The following AK2 variants were observed in gnomAD, a reference collection of about 807,000 sequenced individuals.
AK2 encodes the protein adenylate kinase 2, mitochondrial.
Under a neutral mutation model 24.6 loss-of-function variants are expected in AK2, and 15 were observed. The observed-to-expected ratio is 0.61, with a 90% CI of 0.41 to 0.94. AK2 has a LOEUF of 0.94. AK2 is among the 40% of genes least tolerant of loss of function. The pLI is 0.00. For missense variants in AK2, 257 were observed against 304.1 expected, an observed-to-expected ratio of 0.85 and a Z score of 1.15; for synonymous variants, 102 against 114.0, an observed-to-expected ratio of 0.90 and a Z score of 0.67.
chr1:33,022,306 G>A (rs1034797916), intron 2 of AK2, among the ~76,000 whole-genome samples: 6 of 150,978 alleles, frequency 4.0e-5, no homozygotes, highest in South Asian at 4.2e-4. Context: ...GCAAGATTGG[G>A]TCAGAACCAA....
rs934254172 is a variant in AK2, at chr1:33,011,960, G to C, written c.*1221C>G. On this transcript the variant is annotated 3_prime_UTR_variant, in exon 6 of 6. Transcript: ENST00000672715. ...TGATTTCAGTTTTATGTCCTGGAGA[G>C]AGACTGGGTTTGAATAAATACTGAT... 1.7e-5 allele frequency: 26 copies of C among 1,534,396 alleles called. No individual in the cohort carries two copies. The highest frequency in any genetic ancestry group is 2.3e-5 in the Non-Finnish European group (26 of 1,146,476).
chr1:33,017,840 G>A (rs1302318168), intron 4 of AK2, among the ~76,000 whole-genome samples: 3 of 152,004 alleles, frequency 2.0e-5, no homozygotes, highest in African/African-American at 7.2e-5. Context: ...GTGCAGCCTC[G>A]ACCTCCCTAG....
chr1:33,021,795 T>C, intron 2 of AK2, 92 bp from the exon 3 acceptor site: 1 of 964,640 alleles, frequency 1.0e-6, no homozygotes, highest in Non-Finnish European at 1.7e-6. Context: ...TTTGTGTATA[T>C]AACCTTATTA....
chr1:33,016,509 T>A (rs1221719355), intron 4 of AK2, among the ~76,000 whole-genome samples: 1 of 151,424 alleles, frequency 6.6e-6, no homozygotes, highest in African/African-American at 2.4e-5. Context: ...CTGCGCCTGG[T>A]CTATTTATTT....
rs141593874 is a variant in AK2 at position 33,024,955 on chromosome 1, G to A, written c.94-388C>T. 7.2e-3 allele frequency among the ~76,000 whole-genome samples: 1,099 copies of A among 152,276 alleles called. 8 individuals carry two copies. The highest frequency in any genetic ancestry group is 0.017 in the Middle Eastern group (5 of 294). On this transcript the variant is annotated intron_variant, in intron 1 of 5. Coordinates refer to ENST00000672715, the MANE Select transcript of AK2 (RefSeq NM_001625.4). ...TAACCCCAGCACTTTGGGAGGCTGA[G>A]GTGGGCGGATCACGAGGTCAGAAGT...
At chr1:33,029,825 C>A (rs1480395474) in intron 1 of AK2, among the ~76,000 whole-genome samples, 3 of 152,216 alleles carry the variant, frequency 2.0e-5, no homozygotes, top group Non-Finnish European at 4.4e-5. Flanking sequence ...ACTATGGGCG[C>A]ATATCACTGT....
At chr1:33,020,041 T>C (rs987533063) in intron 4 of AK2, 5 of 1,532,264 alleles carry the variant, frequency 3.3e-6, no homozygotes, top group African/African-American at 1.4e-5. Flanking sequence ...GTCATACTTC[T>C]GGAAGGCACA....
chr1:33,035,484 C>T (rs1239312685), intron 1 of AK2, among the ~76,000 whole-genome samples: 1 of 152,172 alleles, frequency 6.6e-6, no homozygotes, highest in Non-Finnish European at 1.5e-5. Flanking sequence ...GAAAAGCGGG[C>T]ACAGGGCAGT....
In AK2 at chr1:33,013,188, A is replaced by T. The variant is rs1638942570; in HGVS notation, c.713T>A (p.Phe238Tyr). ...SKATCKDLVMFI is the reference protein window; with the variant it reads ...SKATCKDLVMYI ...TCCTTCTTGGACCCAACATTAGATAAACATAACCAAGTCTTTACATGTGGC... is the reference window on the plus strand; with the variant it reads ...TCCTTCTTGGACCCAACATTAGATATACATAACCAAGTCTTTACATGTGGC... Residue 238 changes from phenylalanine (F) to tyrosine (Y), a missense_variant, in exon 6 of 6, where the codon TTT becomes TAT. Transcript: ENST00000672715. The T allele has an allele frequency of 6.2e-7, 1 of 1,614,008 alleles. No homozygotes were observed. Among genetic ancestry groups the T allele is most frequent in the African/African-American group, 1.3e-5 (1 of 74,918 alleles).
chr1:33,028,058 C>G (rs979240365), intron 1 of AK2, among the ~76,000 whole-genome samples: 1 of 152,176 alleles, frequency 6.6e-6, no homozygotes, highest in Admixed American at 6.5e-5. Flanking sequence ...AAATAAAAGG[C>G]TTCCTTCCAT....
chr1:33,015,261 G>A (rs763772692), intron 4 of AK2, among the ~76,000 whole-genome samples: 32 of 152,138 alleles, frequency 2.1e-4, no homozygotes, highest in Non-Finnish European at 3.5e-4. Flanking sequence ...TCAAGTAATC[G>A]GGAAAAATGA....
intron 1 of AK2, among the ~76,000 whole-genome samples, chr1:33,025,548 C>G (rs991287534): frequency 2.0e-5 from 3 of 152,200 alleles, no homozygotes; most frequent in African/African-American, 7.2e-5. Context: ...GAGATATATA[C>G]AAAGAGCACT....
Position 33,012,854 on chromosome 1 carries a change from C to T in AK2, c.*327G>A, listed in dbSNP as rs754724243. ...CAGAGGTTGCCGTGAGCCAAGATCA[C>T]GCCACTGCACTCCAGCCAGGGTGGC... On this transcript the variant is annotated 3_prime_UTR_variant, in exon 6 of 6. Transcript: ENST00000672715. The T allele has an allele frequency of 1.7e-5, 22 of 1,297,420 alleles. No individual in the cohort carries two copies. In the East Asian group the frequency reaches 2.0e-4, roughly 12 times the overall value. The allele number at this position is 1,297,420 out of a possible 1,614,324, so 80.4% of individuals were successfully genotyped here.
At position 33,021,415 on chromosome 1, in the gene AK2, A is replaced by G. The variant is rs1639545302; in HGVS notation, c.377T>C (p.Ile126Thr). The change falls in exon 4 of 6, where the codon ATT becomes ACT. Residue 126 changes from isoleucine to threonine, a missense_variant. Transcript: ENST00000672715. ...EKRKEKLDSV[I>T]EFSIPDSLLI... is the part of the protein sequence containing the mutation. The stretch of plus-strand genomic sequence containing the variant: ...CAGAGAGTCTGGGATGCTGAATTCA[A>G]TCACAGAATCAAGCTTCTCTTTCCT... The G allele has an allele frequency of 3.7e-6, 6 of 1,614,068 alleles. No homozygotes were observed. In the African/African-American group the frequency reaches 6.7e-5, roughly 18 times the overall value.
Position 33,013,200 on chromosome 1 carries a change from T to G in AK2, c.701A>C (p.Asp234Ala). ...CCAACATTAGATAAACATAACCAAGTCTTTACATGTGGCTTTGGAGAAGGC... is the reference window on the plus strand; with the variant it reads ...CCAACATTAGATAAACATAACCAAGGCTTTACATGTGGCTTTGGAGAAGGC... ...LAAFSKATCKDLVMFI is the reference protein window; with the variant it reads ...LAAFSKATCKALVMFI Residue 234 changes from aspartate (D) to alanine (A), a missense_variant, in exon 6 of 6, where the codon GAC becomes GCC. By Grantham distance (126) the Asp-to-Ala change is moderately radical. Coordinates refer to ENST00000672715, the MANE Select transcript of AK2 (RefSeq NM_001625.4). 6.2e-7 allele frequency: 1 copy of G among 1,614,146 alleles called. No individual in the cohort carries two copies. Among genetic ancestry groups the G allele is most frequent in the Non-Finnish European group, 8.5e-7 (1 of 1,180,026 alleles).
At position 33,013,259 on chromosome 1, in the gene AK2, C is replaced by T. The variant is rs149659319; in HGVS notation, c.642G>A (p.Gln214=). ...RGIHSAIDAS[Q]TPDVVFASIL... ...TGCTTGCGAACACGACATCGGGGGT[C>T]TGGGATGCATCGATGGCGGAGTGGA... The change falls in exon 6 of 6, where the codon CAG becomes CAA. Residue 214 remains glutamine, a synonymous_variant. Coordinates refer to ENST00000672715, the MANE Select transcript of AK2 (RefSeq NM_001625.4). The T allele has an allele frequency of 6.4e-4, 1,026 of 1,613,786 alleles. No homozygotes were observed. The highest frequency in any genetic ancestry group is 6.6e-4 in the Non-Finnish European group (779 of 1,179,682).
At chr1:33,019,952 T>C (rs1639427021) in intron 4 of AK2, 1 of 1,418,202 alleles carries the variant, frequency 7.1e-7, no homozygotes, top group Non-Finnish European at 9.2e-7. Flanking sequence ...GAGACACCAT[T>C]AAAATGACAA....
At chr1:33,031,541 A>T (rs759675805) in intron 1 of AK2, 5 of 455,458 alleles carry the variant, frequency 1.1e-5, no homozygotes, top group South Asian at 7.7e-5. Flanking sequence ...AGAAAAATCT[A>T]ACCTGGGGCA....
intron 1 of AK2, among the ~76,000 whole-genome samples, chr1:33,026,537 A>G (rs1314542128): frequency 6.6e-6 from 1 of 152,258 alleles, no homozygotes; most frequent in East Asian, 1.9e-4. Flanking sequence ...GGCCGGGTGC[A>G]GTGGCTCACG....
Sources: gnomAD v4.1 joint callset for allele counts (sites outside exome capture counted in the v4.1 genomes callset) on GRCh38, gnomAD v4.1.1 for gene constraint, MANE v1.5 for transcripts, NCBI Gene and HGNC (gene_info 2026-07-23, HGNC 2026-07-21) for gene names.